Variants in CTNS observed in about 807,000 individuals in gnomAD.
CTNS encodes cystinosin.
CTNS carries 27 observed loss-of-function variants against 43.7 expected under a neutral mutation model. The observed-to-expected ratio is 0.62, with a 90% CI of 0.46 to 0.85. The LOEUF (loss-of-function observed/expected upper bound fraction) is 0.85. Ranked by LOEUF, CTNS falls within the 40% of genes least tolerant of loss-of-function variation. The probability of loss-of-function intolerance (pLI) is 0.00; values close to 1 mark genes in which losing one functional copy is unlikely to be tolerated. For synonymous variants in CTNS, 187 were observed against 190.6 expected (o/e 0.98, Z 0.16); for missense variants, 457 against 475.4 (o/e 0.96, Z 0.36).
At chr17:3,640,790 G>C (rs986698032) in intron 3 of CTNS, among the ~76,000 whole-genome samples, 45 of 152,278 alleles carry the variant, frequency 3.0e-4, no homozygotes, top group Non-Finnish European at 4.0e-4. Flanking sequence ...TATAGTCCTA[G>C]CTACTTGGGA....
At chr17:3,656,607 C>A (rs201042876) in intron 8 of CTNS, 21 bp downstream of exon 8, 1 of 1,612,510 alleles carries the variant, frequency 6.2e-7, no homozygotes, top group African/African-American at 1.3e-5. Flanking sequence ...GCCTGCCCTA[C>A]ATCTCTGCCC....
intron 7 of CTNS, among the ~76,000 whole-genome samples, chr17:3,656,119 AC>A (rs2076127857): frequency 2.1e-4 from 1 of 4,784 alleles, no homozygotes; most frequent in Non-Finnish European, 4.0e-4. Context: ...CTGCCCCTCC[AC>A]CCCTCGCCAG....
intron 4 of CTNS, among the ~76,000 whole-genome samples, chr17:3,648,539 G>C (rs537027117): frequency 6.6e-6 from 1 of 152,282 alleles, no homozygotes; most frequent in East Asian, 1.9e-4. Flanking sequence ...CGACTCTCTG[G>C]GAAGCCTTTC....
Position 3,660,333 on chromosome 17 carries a change from G to C in CTNS, c.1068G>C (p.Leu356Phe), listed in dbSNP as rs773998116. Residue 356 changes from leucine (L) to phenylalanine (F), a missense_variant, in exon 12 of 12, where the codon TTG (leucine) becomes TTC (phenylalanine). Leu to Phe is a conservative substitution (Grantham distance 22, BLOSUM62 0). Transcript: ENST00000046640. The part of the protein sequence containing the change: ...DVVFFIQHFC[L>F]YRKRPGYDQL... ...TCTTCTTCATCCAGCACTTCTGTTT[G>C]TACAGAAAGAGACCGGGGTATGACC... 8.7e-6 allele frequency: 14 copies of C among 1,614,238 alleles called. No individual in the cohort carries two copies. The highest frequency in any genetic ancestry group is 1.1e-5 in the Non-Finnish European group (13 of 1,180,038).
At chr17:3,654,734 T>C (rs2076083190) in intron 5 of CTNS, among the ~76,000 whole-genome samples, 1 of 145,062 alleles carries the variant, frequency 6.9e-6, no homozygotes, top group Non-Finnish European at 1.5e-5. Flanking sequence ...GTGGCTCACA[T>C]CTATAATCCC....
chr17:3,646,558 A>C (rs1431835167), intron 3 of CTNS, among the ~76,000 whole-genome samples: 1 of 152,056 alleles, frequency 6.6e-6, no homozygotes, highest in Non-Finnish European at 1.5e-5. Flanking sequence ...AAAGGCTGGG[A>C]TTACAGGCAT....
intron 9 of CTNS, 98 bp downstream of exon 9, chr17:3,656,893 G>A (rs2076162700): frequency 1.3e-6 from 2 of 1,574,676 alleles, no homozygotes; most frequent in Non-Finnish European, 1.7e-6. Context: ...GGAAAGGAAG[G>A]GTGTGTGTTC....
At chr17:3,642,062 G>GGTGTGT (rs1555558845) in intron 3 of CTNS, among the ~76,000 whole-genome samples, 3 of 37,454 alleles carry the variant, frequency 8.0e-5, no homozygotes, top group African/African-American at 2.2e-4. Flanking sequence ...TGTGTACCCG[G>GGTGTGT]GCGTGTGTGT....
chr17:3,641,403 T>TTTTA (rs2075703031), intron 3 of CTNS, among the ~76,000 whole-genome samples: 2 of 113,568 alleles, frequency 1.8e-5, no homozygotes, highest in East Asian at 2.9e-4. Context: ...TTTTTTTTTT[T>TTTTA]TTTTTTGAGA....
chr17:3,650,571 G>A (rs1276283636), intron 5 of CTNS: 1 of 355,438 alleles, frequency 2.8e-6, no homozygotes, highest in East Asian at 5.6e-5. Flanking sequence ...GACCCCGCAT[G>A]AGAGGGAGCT....
intron 5 of CTNS, 50 bp from the exon 6 acceptor site, chr17:3,654,948 T>A (rs1337915537): frequency 5.2e-6 from 7 of 1,335,132 alleles, no homozygotes. Flanking sequence ...GCCAGCGGGG[T>A]CCTCGGTAAC....
At position 3,657,709 on chromosome 17, in the gene CTNS, T is replaced by C; in HGVS notation, c.682-296T>C. ...CTGAGAGGCGCCCAGTTCTGCCAAG[T>C]AGGAACAAAGCAGACAGAGCTTGAG... On this transcript the variant is annotated intron_variant, in intron 9 of 11. Transcript: ENST00000046640. 3 of 490,956 alleles carry C rather than the reference T, an allele frequency of 6.1e-6. 1 individual carries two copies. Among genetic ancestry groups the C allele is most frequent in the Admixed American group, 6.6e-5 (2 of 30,182 alleles). 30.4% of individuals were successfully genotyped at this position (490,956 alleles called of 1,614,324 possible).
chr17:3,656,600 T>C lies in CTNS; in HGVS notation c.561+14T>C. 1 of 1,612,118 alleles carries C rather than the reference T, an allele frequency of 6.2e-7. No homozygotes were observed. Reference sequence around the variant, plus strand: ...CCCTACATCAAGGTACGGCCTTGCCTGCCCTACATCTCTGCCCACATGGCG... The same window carrying C: ...CCCTACATCAAGGTACGGCCTTGCCCGCCCTACATCTCTGCCCACATGGCG... On this transcript the variant is annotated intron_variant, in intron 8 of 11. Coordinates refer to ENST00000046640, the MANE Select transcript of CTNS (RefSeq NM_004937.3).
intron 3 of CTNS, among the ~76,000 whole-genome samples, chr17:3,644,239 A>G (rs535901662): frequency 6.6e-6 from 1 of 152,282 alleles, no homozygotes; most frequent in South Asian, 2.1e-4. Context: ...AGGTCTTGGT[A>G]TTCTCCCCAC....
chr17:3,640,161 C>A, intron 2 of CTNS, 27 bp from the exon 3 acceptor site: 1 of 1,579,356 alleles, frequency 6.3e-7, no homozygotes, highest in Non-Finnish European at 8.7e-7. Context: ...TTCCCCTGAA[C>A]TTCTCTCTTG....
At chr17:3,658,223 G>T in intron 10 of CTNS, 48 bp downstream of exon 10, 1 of 1,607,402 alleles carries the variant, frequency 6.2e-7, no homozygotes, top group Non-Finnish European at 8.5e-7. Flanking sequence ...AGAGGTGAGA[G>T]CTACATGGCC....
Position 3,660,662 on chromosome 17 carries a change from C to A in CTNS, c.*293C>A. ...GCTCTGGCAGCCGTCTCAGGCAGGA[C>A]TGGGCACCAAGCTTGCAGCCGAAGG... is the stretch of plus-strand genomic sequence containing the variant. On this transcript the variant is annotated 3_prime_UTR_variant, in exon 12 of 12. Transcript: ENST00000046640. 6.2e-7 allele frequency: 1 copy of A among 1,613,628 alleles called. No homozygotes were observed. Among genetic ancestry groups the A allele is most frequent in the Non-Finnish European group, 8.5e-7 (1 of 1,180,038 alleles).
At position 3,658,117 on chromosome 17, in the gene CTNS, T is replaced by C. The variant is rs141294499; in HGVS notation, c.794T>C (p.Phe265Ser). The C allele has an allele frequency of 3.7e-6, 6 of 1,612,174 alleles. No homozygotes were observed. The highest frequency in any genetic ancestry group is 3.3e-5 in the Admixed American group (2 of 60,006). Residue 265 changes from phenylalanine to serine, a missense_variant, in exon 10 of 12, where the codon TTT becomes TCT. Transcript: ENST00000046640. ...AAVGVTTWLQFLFCFSYIKLA... is the reference protein window; with the variant it reads ...AAVGVTTWLQSLFCFSYIKLA... ...GTGGGAGTGACCACGTGGCTGCAGT[T>C]TCTCTTCTGCTTCTCCTACATCAAG... is the stretch of plus-strand genomic sequence containing the variant.
Position 3,662,167 on chromosome 17 carries a change from T to A in CTNS, c.*1798T>A, listed in dbSNP as rs2076287023. ...CTCTACTAAAGATACAAAAATTAGCTGGGCATGGTGGCGGGCACCTGTAAT... is the reference window on the plus strand; with the variant it reads ...CTCTACTAAAGATACAAAAATTAGCAGGGCATGGTGGCGGGCACCTGTAAT... On this transcript the variant is annotated 3_prime_UTR_variant, in exon 12 of 12. Coordinates refer to ENST00000046640, the MANE Select transcript of CTNS (RefSeq NM_004937.3). Among the ~76,000 whole-genome samples the A allele has an allele frequency of 6.6e-6, 1 of 151,992 alleles. No homozygotes were observed. The highest frequency in any genetic ancestry group is 2.4e-5 in the African/African-American group (1 of 41,368).
Sources: allele counts gnomAD v4.1 joint callset (sites outside exome capture counted in the v4.1 genomes callset), GRCh38; gene constraint gnomAD v4.1.1; transcripts MANE v1.5; gene names NCBI Gene and HGNC (gene_info 2026-07-23, HGNC 2026-07-21).